The following RBFOX1 variants were observed in gnomAD, a reference collection of about 807,000 sequenced individuals.
RBFOX1 encodes the protein RNA binding fox-1 homolog 1, also known as RNA binding protein fox-1 homolog 1.
RBFOX1 carries 8 observed loss-of-function variants against 57.7 expected under a neutral mutation model. The ratio of observed to expected loss-of-function variants is 0.14; its 90% CI spans 0.08 to 0.25. The LOEUF is 0.25. Among genes scored for constraint, RBFOX1 ranks in the 10% least tolerant of loss-of-function variants. The pLI is 1.00. For synonymous variants in RBFOX1, 326 were observed against 222.4 expected, an observed-to-expected ratio of 1.47 and a Z score of -4.15; for missense variants, 611 against 548.5, an observed-to-expected ratio of 1.11 and a Z score of -1.14.
At chr16:6,801,779 A>C (rs575405076) in intron 3 of RBFOX1, among the ~76,000 whole-genome samples, 1 of 152,274 alleles carries the variant, frequency 6.6e-6, no homozygotes, top group South Asian at 2.1e-4. Context: ...AAATATTGCC[A>C]GACCGACTCA....
At chr16:6,053,928 T>G (rs928419301) in intron 1 of RBFOX1, among the ~76,000 whole-genome samples, 2 of 152,132 alleles carry the variant, frequency 1.3e-5, no homozygotes, top group Non-Finnish European at 2.9e-5. Flanking sequence ...TGGTGGCATG[T>G]ACCTGTAGTT....
chr16:6,348,237 C>T (rs1006757783), intron 2 of RBFOX1, among the ~76,000 whole-genome samples: 1 of 152,166 alleles, frequency 6.6e-6, no homozygotes. Context: ...ACTCCAGCTC[C>T]ACTGTTTAGG....
At chr16:7,456,487 A>T (rs758476667) in intron 4 of RBFOX1, among the ~76,000 whole-genome samples, 1 of 152,256 alleles carries the variant, frequency 6.6e-6, no homozygotes, top group Non-Finnish European at 1.5e-5. Flanking sequence ...TCCAACTCCC[A>T]GCATTGTTTG....
chr16:5,627,736 A>C (rs2048386339), intron 3 of RBFOX1, among the ~76,000 whole-genome samples: 1 of 152,222 alleles, frequency 6.6e-6, no homozygotes, highest in African/African-American at 2.4e-5. Flanking sequence ...AATACAGTAT[A>C]ACAACTATTT....
chr16:5,630,780 A>G (rs980671782), intron 3 of RBFOX1, among the ~76,000 whole-genome samples: 1 of 152,246 alleles, frequency 6.6e-6, no homozygotes. Flanking sequence ...TTGGACTTCA[A>G]TTGTTGGAAA....
At chr16:7,074,465 A>G (rs1160192113) in intron 4 of RBFOX1, among the ~76,000 whole-genome samples, 5 of 152,364 alleles carry the variant, frequency 3.3e-5, no homozygotes, top group African/African-American at 4.8e-5. Context: ...TAAACATCAG[A>G]TTGTAAAATG....
chr16:5,370,493 ATTATTATTATT>A (rs2065831004), intron 1 of RBFOX1, among the ~76,000 whole-genome samples: 1 of 138,564 alleles, frequency 7.2e-6, no homozygotes. Flanking sequence ...TTACAAAATT[ATTATTATTATT>A]TTATATAAGA....
At chr16:7,313,187 G>T (rs932521414) in intron 4 of RBFOX1, among the ~76,000 whole-genome samples, 4 of 152,166 alleles carry the variant, frequency 2.6e-5, no homozygotes, top group South Asian at 4.1e-4. Context: ...TCTATCTATT[G>T]TCTCTGCTTA....
At chr16:6,110,227 T>TTTTTTC (rs2096430216) in intron 1 of RBFOX1, among the ~76,000 whole-genome samples, 1 of 143,818 alleles carries the variant, frequency 7.0e-6, no homozygotes, top group African/African-American at 2.6e-5. Flanking sequence ...ATTATTCTTT[T>TTTTTTC]AGCTCTCTGG....
At position 5,480,471 on chromosome 16, in the gene RBFOX1, C is replaced by T. The variant is rs13336014; in HGVS notation, c.258+13217C>T. Among the ~76,000 whole-genome samples, 749 of 152,228 alleles carry T rather than the reference C, an allele frequency of 4.9e-3. 3 individuals carry two copies. Among genetic ancestry groups the T allele is most frequent in the African/African-American group, 0.017 (709 of 41,544 alleles). ...GAAAATAAAAAATGTTCCATGAACT[C>T]ACTACCATAATAAACCCTGCTGCCG... On this transcript the variant is annotated intron_variant, in intron 2 of 2. Transcript: ENST00000585867.
chr16:6,069,012 T>TA (rs1030072118), intron 1 of RBFOX1, among the ~76,000 whole-genome samples: 9 of 149,550 alleles, frequency 6.0e-5, no homozygotes, highest in South Asian at 4.2e-4. Context: ...AACATATTTA[T>TA]AAAAAAAAGA....
At chr16:7,211,691 C>G (rs1002245448) in intron 4 of RBFOX1, among the ~76,000 whole-genome samples, 2 of 152,084 alleles carry the variant, frequency 1.3e-5, no homozygotes, top group African/African-American at 4.8e-5. Flanking sequence ...GATTCCTGCC[C>G]TGGGGTAATG....
At chr16:7,147,400 G>C (rs1027089664) in intron 4 of RBFOX1, among the ~76,000 whole-genome samples, 3 of 150,470 alleles carry the variant, frequency 2.0e-5, no homozygotes, top group African/African-American at 7.3e-5. Context: ...AAGTTTGGTA[G>C]ACAAATGATC....
At chr16:5,425,017 C>CT (rs2067503685) in intron 1 of RBFOX1, among the ~76,000 whole-genome samples, 1 of 102,462 alleles carries the variant, frequency 9.8e-6, no homozygotes, top group African/African-American at 3.5e-5. Flanking sequence ...TCTTTTCTTT[C>CT]TTGATTCCTC....
chr16:5,779,246 G>T (rs956452933), intron 3 of RBFOX1, among the ~76,000 whole-genome samples: 1 of 152,272 alleles, frequency 6.6e-6, no homozygotes, highest in Middle Eastern at 3.4e-3. Flanking sequence ...CCCTCTGTCA[G>T]TCTCTGTCCC....
At chr16:7,248,248 T>C (rs1477037322) in intron 4 of RBFOX1, among the ~76,000 whole-genome samples, 2 of 152,154 alleles carry the variant, frequency 1.3e-5, no homozygotes, top group Non-Finnish European at 2.9e-5. Context: ...ATTAACACAG[T>C]GAGTGGCACA....
intron 5 of RBFOX1, among the ~76,000 whole-genome samples, chr16:7,564,166 G>A (rs561217478): frequency 6.6e-6 from 1 of 152,220 alleles, no homozygotes; most frequent in Non-Finnish European, 1.5e-5. Flanking sequence ...GGCCACGAGA[G>A]TAGAGCCCGA....
At chr16:6,752,403 T>C (rs961883400) in intron 3 of RBFOX1, among the ~76,000 whole-genome samples, 3 of 152,118 alleles carry the variant, frequency 2.0e-5, no homozygotes, top group Non-Finnish European at 2.9e-5. Flanking sequence ...AAGCAAGAAA[T>C]TGGCCACAAG....
chr16:7,208,239 T>G (rs934415666), intron 4 of RBFOX1, among the ~76,000 whole-genome samples: 3 of 152,222 alleles, frequency 2.0e-5, no homozygotes, highest in African/African-American at 7.2e-5. Context: ...CCTCCACCAA[T>G]TCATATGTTG....
Sources: allele counts gnomAD v4.1 joint callset (sites outside exome capture counted in the v4.1 genomes callset), GRCh38; gene constraint gnomAD v4.1.1; transcripts MANE v1.5; gene names NCBI Gene and HGNC (gene_info 2026-07-23, HGNC 2026-07-21).